Variants in KHDRBS2 observed in about 807,000 individuals in gnomAD.
The protein encoded by KHDRBS2 is KH RNA binding domain containing, signal transduction associated 2.
A neutral mutation model predicts 44.3 loss-of-function variants in KHDRBS2; 26 were observed. The observed-to-expected ratio is 0.59, with a 90% CI of 0.43 to 0.81. KHDRBS2 has a LOEUF of 0.81. Ranked by LOEUF, KHDRBS2 falls within the 40% of genes least tolerant of loss-of-function variation. KHDRBS2 has a pLI of 0.00. For missense variants in KHDRBS2, 476 were observed against 433.1 expected (o/e 1.10, Z -0.88); for synonymous variants, 194 against 151.1 (o/e 1.28, Z -2.08).
At chr6:62,053,010 A>T (rs1025793516) in intron 2 of KHDRBS2, among the ~76,000 whole-genome samples, 1 of 152,080 alleles carries the variant, frequency 6.6e-6, no homozygotes, top group Admixed American at 6.6e-5. Context: ...ACCTAAAAAA[A>T]TAATGGGTAA....
chr6:62,250,441 T>C (rs1585421094), intron 1 of KHDRBS2, among the ~76,000 whole-genome samples: 1 of 151,980 alleles, frequency 6.6e-6, no homozygotes, highest in East Asian at 1.9e-4. Context: ...AGGAATTCTA[T>C]AATGTAATTT....
At chr6:61,681,094 G>T in intron 8 of KHDRBS2, 34 bp from the exon 9 acceptor site, 1 of 1,416,952 alleles carries the variant, frequency 7.1e-7, no homozygotes, top group South Asian at 1.2e-5. Flanking sequence ...ACACACACAT[G>T]ACTTCACAGT....
intron 2 of KHDRBS2, among the ~76,000 whole-genome samples, chr6:62,083,706 G>C (rs372467019): frequency 2.0e-5 from 3 of 152,114 alleles, no homozygotes; most frequent in East Asian, 3.9e-4. Context: ...GCTGTGGGCT[G>C]AGTAAATGAG....
intron 4 of KHDRBS2, among the ~76,000 whole-genome samples, chr6:61,944,543 G>A (rs1812808440): frequency 6.6e-6 from 1 of 152,040 alleles, no homozygotes; most frequent in Non-Finnish European, 1.5e-5. Flanking sequence ...GTAGTGAATA[G>A]GTACAAACTT....
In KHDRBS2 at chr6:62,177,461, T is replaced by C. The variant is rs1235720980; in HGVS notation, c.92-149A>G. On this transcript the variant is annotated intron_variant, in intron 1 of 8. Coordinates refer to ENST00000281156, the MANE Select transcript of KHDRBS2 (RefSeq NM_152688.4). ...TATTGATAAAAGGCCTGAAACAGCA[T>C]CTCACCAACAGTTATGTGAATGCTG... The C allele has an allele frequency of 3.3e-6, 2 of 609,730 alleles. 1 individual carries two copies. The allele number at this position is 609,730 out of a possible 1,614,324, so 37.8% of individuals were successfully genotyped here.
chr6:62,093,140 A>G (rs1799791679), intron 2 of KHDRBS2, among the ~76,000 whole-genome samples: 1 of 151,956 alleles, frequency 6.6e-6, no homozygotes, highest in Non-Finnish European at 1.5e-5. Flanking sequence ...CTCATTAAAA[A>G]TCCTAAAGAA....
chr6:61,582,237 AG>A, the KHDRBS2 span, among the ~76,000 whole-genome samples: 1 of 151,828 alleles, frequency 6.6e-6, no homozygotes, highest in Non-Finnish European at 1.5e-5. Context: ...GAGGAAAATA[AG>A]AAGCAGTAAA....
chr6:62,211,500 T>A (rs1298384935), intron 1 of KHDRBS2, among the ~76,000 whole-genome samples: 3 of 152,208 alleles, frequency 2.0e-5, no homozygotes. Context: ...ATATTGTCAG[T>A]TGGGTCACAT....
chr6:62,227,380 T>C (rs553435881), intron 1 of KHDRBS2, among the ~76,000 whole-genome samples: 2 of 152,242 alleles, frequency 1.3e-5, no homozygotes, highest in Non-Finnish European at 2.9e-5. Flanking sequence ...TTTTTTATCC[T>C]GAGACTTTGC....
chr6:61,940,318 C>T (rs530615862), intron 4 of KHDRBS2, among the ~76,000 whole-genome samples: 5 of 152,104 alleles, frequency 3.3e-5, no homozygotes, highest in Non-Finnish European at 5.9e-5. Flanking sequence ...CCAAGAGACA[C>T]TTCCCAATAT....
chr6:61,934,077 C>A (rs557626451), intron 4 of KHDRBS2, among the ~76,000 whole-genome samples: 2 of 151,866 alleles, frequency 1.3e-5, no homozygotes, highest in South Asian at 4.2e-4. Flanking sequence ...TACTTGTTTG[C>A]CATTTGTATA....
the KHDRBS2 span, among the ~76,000 whole-genome samples, chr6:61,598,843 T>TC: frequency 4.7e-5 from 7 of 147,798 alleles, no homozygotes; most frequent in Admixed American, 4.7e-4. Flanking sequence ...TTTTCTTTTT[T>TC]TTTTTTTTTT....
chr6:62,226,904 C>T (rs1831936977), intron 1 of KHDRBS2, among the ~76,000 whole-genome samples: 1 of 152,092 alleles, frequency 6.6e-6, no homozygotes, highest in Non-Finnish European at 1.5e-5. Flanking sequence ...GGTTCTAGTA[C>T]CATGCTATTT....
At chr6:62,090,241 T>A (rs1799244583) in intron 2 of KHDRBS2, among the ~76,000 whole-genome samples, 1 of 152,222 alleles carries the variant, frequency 6.6e-6, no homozygotes, top group Non-Finnish European at 1.5e-5. Flanking sequence ...AAGGAATTGG[T>A]CCTTGAAAAG....
chr6:62,207,737 G>T (rs1224956436), intron 1 of KHDRBS2, among the ~76,000 whole-genome samples: 2 of 152,032 alleles, frequency 1.3e-5, no homozygotes, highest in Non-Finnish European at 2.9e-5. Context: ...ATTTTGAGAA[G>T]CATTCCATAC....
intron 3 of KHDRBS2, among the ~76,000 whole-genome samples, chr6:62,007,404 T>A (rs1345700127): frequency 1.3e-5 from 2 of 150,234 alleles, no homozygotes; most frequent in Non-Finnish European, 3.0e-5. Flanking sequence ...ATTTTGATGT[T>A]TTTTTTTTTC....
At chr6:61,603,043 C>A in the KHDRBS2 span, among the ~76,000 whole-genome samples, 10 of 152,118 alleles carry the variant, frequency 6.6e-5, no homozygotes, top group Non-Finnish European at 1.2e-4. Flanking sequence ...ATGATGCACC[C>A]CTTACCATCC....
chr6:62,052,239 T>C (rs1205134987), intron 2 of KHDRBS2, among the ~76,000 whole-genome samples: 1 of 151,908 alleles, frequency 6.6e-6, no homozygotes, highest in Non-Finnish European at 1.5e-5. Context: ...AATCTAAGTG[T>C]CCACTGACAG....
chr6:62,101,124 A>G (rs545205509), intron 2 of KHDRBS2, among the ~76,000 whole-genome samples: 1 of 152,152 alleles, frequency 6.6e-6, no homozygotes, highest in Non-Finnish European at 1.5e-5. Context: ...GTTGTTTTTT[A>G]TTTATAATAT....
Sources: gnomAD v4.1 joint callset for allele counts (sites outside exome capture counted in the v4.1 genomes callset) on GRCh38, gnomAD v4.1.1 for gene constraint, MANE v1.5 for transcripts, NCBI Gene and HGNC (gene_info 2026-07-23, HGNC 2026-07-21) for gene names.